LGSN: variants seen among roughly 807,000 people sequenced by gnomAD.
LGSN encodes lengsin.
Under a neutral mutation model 19.5 loss-of-function variants are expected in LGSN, and 21 were observed. That is an observed-to-expected ratio of 1.07 (90% CI 0.76 to 1.55). The LOEUF (loss-of-function observed/expected upper bound fraction) is 1.55, where lower values mean the gene tolerates loss of function less well. Among genes scored for constraint, LGSN ranks in the 40% most tolerant of loss-of-function variants. The pLI is 0.00. For missense variants in LGSN, 673 were observed against 608.5 expected (o/e 1.11, Z -1.12); for synonymous variants, 257 against 215.6 (o/e 1.19, Z -1.68).
the LGSN span, among the ~76,000 whole-genome samples, chr6:63,569,531 T>C: frequency 6.6e-6 from 1 of 152,252 alleles, no homozygotes; most frequent in South Asian, 2.1e-4. Flanking sequence ...CCCAAAGTAC[T>C]GGGATTACAG....
the LGSN span, among the ~76,000 whole-genome samples, chr6:63,505,565 AAAAGAAAGAAAG>A: frequency 0.027 from 1,559 of 58,620 alleles, 137 homozygotes; most frequent in Middle Eastern, 0.034. Flanking sequence ...AAAAAAAAAA[AAAAGAAAGAAAG>A]AAAGAAAGAA....
chr6:63,443,578 A>C, the LGSN span: 1 of 1,049,424 alleles, frequency 9.5e-7, no homozygotes, highest in African/African-American at 1.7e-5. Flanking sequence ...GACTCTCAGC[A>C]GTGAGCTTGT....
At chr6:63,458,434 T>C in the LGSN span, among the ~76,000 whole-genome samples, 2 of 152,222 alleles carry the variant, frequency 1.3e-5, no homozygotes, top group East Asian at 3.8e-4. Flanking sequence ...TATAATTTTC[T>C]AGATTTTTTT....
intron 3 of LGSN, among the ~76,000 whole-genome samples, chr6:63,283,810 C>G (rs1054034637): frequency 1.3e-5 from 2 of 152,096 alleles, no homozygotes; most frequent in African/African-American, 4.8e-5. Flanking sequence ...AAGCGATTCT[C>G]CTGCCTCAGC....
At chr6:63,568,847 T>A in the LGSN span, among the ~76,000 whole-genome samples, 1 of 152,148 alleles carries the variant, frequency 6.6e-6, no homozygotes, top group East Asian at 1.9e-4. Context: ...AGGACTCTTG[T>A]TAAATATGGG....
At chr6:63,428,241 T>G in the LGSN span, among the ~76,000 whole-genome samples, 2 of 152,192 alleles carry the variant, frequency 1.3e-5, no homozygotes, top group African/African-American at 4.8e-5. Flanking sequence ...GTGTTCCAGT[T>G]TGCATCCTCC....
chr6:63,313,498 A>C (rs1768712605), intron 1 of LGSN, among the ~76,000 whole-genome samples: 1 of 152,158 alleles, frequency 6.6e-6, no homozygotes, highest in South Asian at 2.1e-4. Context: ...AGGTTCAAGA[A>C]AAGTTTACGT....
chr6:63,407,105 G>T, the LGSN span, among the ~76,000 whole-genome samples: 8 of 151,952 alleles, frequency 5.3e-5, no homozygotes, highest in African/African-American at 1.9e-4. Flanking sequence ...GAGGTACAAG[G>T]AGGAACTGGT....
At chr6:63,505,565 AAAAGAAAGAAAGAAAGAAAGAAAG>A in the LGSN span, among the ~76,000 whole-genome samples, 6,471 of 58,584 alleles carry the variant, frequency 0.11, 971 homozygotes, top group Non-Finnish European at 0.15. Context: ...AAAAAAAAAA[AAAAGAAAGAAAGAAAGAAAGAAAG>A]AAAGAAAGAA....
At chr6:63,337,368 A>C in the LGSN span, among the ~76,000 whole-genome samples, 1 of 151,568 alleles carries the variant, frequency 6.6e-6, no homozygotes, top group Admixed American at 6.6e-5. Context: ...TGACTGAGGC[A>C]TGAAAAATCA....
the LGSN span, among the ~76,000 whole-genome samples, chr6:63,415,261 C>A: frequency 6.6e-6 from 1 of 152,086 alleles, no homozygotes; most frequent in Admixed American, 6.6e-5. Context: ...GCGGAGTTTG[C>A]GGTGAGCTGA....
chr6:63,375,316 AAATT>A, the LGSN span, among the ~76,000 whole-genome samples: 2 of 151,958 alleles, frequency 1.3e-5, no homozygotes, highest in South Asian at 4.1e-4. Flanking sequence ...TAATTGTATT[AAATT>A]AATTCTTACA....
intron 2 of LGSN, among the ~76,000 whole-genome samples, chr6:63,292,475 G>T (rs1767812613): frequency 6.6e-6 from 1 of 152,026 alleles, no homozygotes; most frequent in African/African-American, 2.4e-5. Context: ...TTTACCAAGG[G>T]GTTCTAGGCC....
the LGSN span, among the ~76,000 whole-genome samples, chr6:63,403,144 C>T: frequency 6.6e-6 from 1 of 151,916 alleles, no homozygotes; most frequent in Non-Finnish European, 1.5e-5. Flanking sequence ...TTCTGCCTCT[C>T]TGGAGAACTA....
chr6:63,432,165 GAAA>G, the LGSN span, among the ~76,000 whole-genome samples: 3 of 84,660 alleles, frequency 3.5e-5, no homozygotes, highest in Non-Finnish European at 6.8e-5. Flanking sequence ...AAGAAAGAAA[GAAA>G]GAAAAGGAAA....
At chr6:63,441,375 T>A in the LGSN span, 1 of 463,428 alleles carries the variant, frequency 2.2e-6, no homozygotes, top group South Asian at 1.9e-5. Flanking sequence ...CACCTTGTCG[T>A]CAGCTTTGCT....
the LGSN span, among the ~76,000 whole-genome samples, chr6:63,477,108 T>G: frequency 6.6e-6 from 1 of 152,256 alleles, no homozygotes; most frequent in Non-Finnish European, 1.5e-5. Flanking sequence ...GCAGCATTTC[T>G]CATCACAGTT....
At chr6:63,555,074 T>C in the LGSN span, among the ~76,000 whole-genome samples, 7 of 152,214 alleles carry the variant, frequency 4.6e-5, no homozygotes, top group African/African-American at 1.2e-4. Flanking sequence ...GGAAGACTCA[T>C]ACCTCCATTT....
chr6:63,499,914 C>T, the LGSN span, among the ~76,000 whole-genome samples: 1 of 151,194 alleles, frequency 6.6e-6, no homozygotes, highest in South Asian at 2.1e-4. Context: ...AACCATATGT[C>T]AAATTCCCCA....
Sources: allele counts gnomAD v4.1 joint callset (sites outside exome capture counted in the v4.1 genomes callset), GRCh38; gene constraint gnomAD v4.1.1; transcripts MANE v1.5; gene names NCBI Gene and HGNC (gene_info 2026-07-23, HGNC 2026-07-21).